The following EPS8L2 variants were observed in gnomAD, a reference collection of about 807,000 sequenced individuals.
EPS8L2 encodes the protein EPS8 signaling adaptor L2.
EPS8L2 carries 81 observed loss-of-function variants against 99.4 expected under a neutral mutation model. That is an observed-to-expected ratio of 0.82 (90% confidence interval 0.68 to 0.98). The LOEUF (loss-of-function observed/expected upper bound fraction) is 0.98, where lower values mean the gene tolerates loss of function less well. Ranked by LOEUF, EPS8L2 falls within the 50% of genes least tolerant of loss-of-function variation. The pLI is 0.00. For missense variants in EPS8L2, 1,155 were observed against 968.8 expected (o/e 1.19, Z -2.55); for synonymous variants, 509 against 407.3 (o/e 1.25, Z -3.01).
chr11:713,325 C>A (rs1455372209), intron 4 of EPS8L2, among the ~76,000 whole-genome samples: 1 of 152,236 alleles, frequency 6.6e-6, no homozygotes, highest in Non-Finnish European at 1.5e-5. Context: ...GAATCCCCGA[C>A]CTTGGTGGCT....
chr11:721,853 G>A, intron 10 of EPS8L2, 50 bp from the exon 11 acceptor site: 9 of 1,550,850 alleles, frequency 5.8e-6, no homozygotes, highest in Non-Finnish European at 6.1e-6. Flanking sequence ...AAGGCGCAGG[G>A]GCCGGGGAGA....
intron 16 of EPS8L2, among the ~76,000 whole-genome samples, chr11:725,421 G>C (rs1205454491): frequency 1.3e-5 from 2 of 152,188 alleles, no homozygotes; most frequent in South Asian, 2.1e-4. Flanking sequence ...TGAGGTGGGG[G>C]GATCGCCTGA....
chr11:719,612 C>T (rs1286685601), intron 4 of EPS8L2, among the ~76,000 whole-genome samples: 1 of 152,242 alleles, frequency 6.6e-6, no homozygotes, highest in Non-Finnish European at 1.5e-5. Context: ...GTAGCGAGCA[C>T]GCTGGACGCA....
chr11:716,048 C>T (rs1472353322), intron 4 of EPS8L2, among the ~76,000 whole-genome samples: 1 of 148,882 alleles, frequency 6.7e-6, no homozygotes, highest in African/African-American at 2.5e-5. Context: ...TCTCAGCTCA[C>T]TGCAACCTCC....
At chr11:710,056 G>T (rs1276442458) in intron 3 of EPS8L2, 3 of 358,916 alleles carry the variant, frequency 8.4e-6, no homozygotes, top group African/African-American at 2.1e-5. Flanking sequence ...GAGAAGACCT[G>T]GGAGGGCAGG....
intron 4 of EPS8L2, among the ~76,000 whole-genome samples, chr11:716,696 A>C (rs1164597717): frequency 6.6e-6 from 1 of 152,224 alleles, no homozygotes; most frequent in East Asian, 1.9e-4. Flanking sequence ...TTGTGACTTC[A>C]TCTTTGATGC....
chr11:725,682 C>A, intron 16 of EPS8L2, 46 bp from the exon 17 acceptor site: 1 of 1,293,332 alleles, frequency 7.7e-7, no homozygotes. Context: ...TGGTCCCAGC[C>A]CCGCAGAGCC....
chr11:707,290 T>G (rs1410199936), intron 1 of EPS8L2, among the ~76,000 whole-genome samples: 2 of 152,086 alleles, frequency 1.3e-5, no homozygotes, highest in Non-Finnish European at 2.9e-5. Flanking sequence ...AGCCATAGCT[T>G]CCAAACAAGG....
chr11:710,535 GACAT>G, intron 4 of EPS8L2, 49 bp downstream of exon 4: 1 of 1,513,820 alleles, frequency 6.6e-7, no homozygotes, highest in Non-Finnish European at 9.2e-7. Flanking sequence ...GCACCCTCAG[GACAT>G]GGCTGTCCTC....
rs978049038 is a variant in EPS8L2, at chr11:724,941, C to T, written c.1560+112C>T. 2.6e-5 allele frequency: 20 copies of T among 757,276 alleles called. No homozygotes were observed. Among genetic ancestry groups the T allele is most frequent in the African/African-American group, 6.9e-5 (4 of 58,328 alleles). The allele number at this position is 757,276 out of a possible 1,614,324, so 46.9% of individuals were successfully genotyped here. A position where few individuals can be genotyped will look rare whatever the true frequency, so the allele number is the denominator to read the frequency against. On this transcript the variant is annotated intron_variant, in intron 16 of 20. Coordinates refer to ENST00000318562, the MANE Select transcript of EPS8L2 (RefSeq NM_022772.4). The surrounding 1 kb of genome is among the most constrained non-coding windows in gnomAD (Gnocchi z 5.5). ...AGGGCCAGGCTGGGTGATGCCAGGA[C>T]GGGGCACAGCTGCTGGCCCCTTTCT...
intron 7 of EPS8L2, 61 bp downstream of exon 7, chr11:720,970 GGGGAGGAGCCGGCAGGGGA>G: frequency 7.7e-7 from 1 of 1,295,150 alleles, no homozygotes; most frequent in Non-Finnish European, 1.0e-6. Flanking sequence ...CGGCAGGGGA[GGGGAGGAGCCGGCAGGGGA>G]GGGGAGGAGC....
intron 4 of EPS8L2, among the ~76,000 whole-genome samples, chr11:716,799 T>C (rs1043420435): frequency 3.3e-5 from 5 of 152,186 alleles, no homozygotes; most frequent in Admixed American, 3.3e-4. Flanking sequence ...AATTCTGTTA[T>C]GATCAAAAAA....
In EPS8L2 at chr11:725,305, G is replaced by C. The variant is rs534059953; in HGVS notation, c.1561-423G>C. ...GCGGGAGGATCCCTTTAGCCCACGA[G>C]TTCGAGACAAGCCTGGGCAACACCT... is the stretch of plus-strand genomic sequence containing the variant. On this transcript the variant is annotated intron_variant, in intron 16 of 20. Transcript: ENST00000318562. Among the ~76,000 whole-genome samples the C allele has an allele frequency of 4.6e-5, 7 of 152,368 alleles. No homozygotes were observed. In the South Asian group the frequency reaches 8.3e-4, roughly 18 times the overall value.
intron 1 of EPS8L2, chr11:708,806 GC>G (rs34990344): frequency 6.4e-6 from 1 of 157,382 alleles, no homozygotes; most frequent in Non-Finnish European, 1.4e-5. Context: ...GGGTGCAGGA[GC>G]CCCTTGGGGT....
intron 15 of EPS8L2, 67 bp downstream of exon 15, chr11:723,420 A>C: frequency 2.9e-6 from 2 of 680,952 alleles, no homozygotes; most frequent in South Asian, 2.5e-5. Context: ...CTCTAAAAAC[A>C]TATGGGTACG....
At position 726,266 on chromosome 11, in the gene EPS8L2, G is replaced by A. The variant is rs758641772; in HGVS notation, c.1754-38G>A. ...CCCTGGGCCGGGGGCGGGGGCAGGG[G>A]CAAGGCAGCGGCGGGCCTGAGTCGC... On this transcript the variant is annotated intron_variant, in intron 18 of 20. Transcript: ENST00000318562. The A allele has an allele frequency of 4.4e-6, 7 of 1,585,744 alleles. No homozygotes were observed. The African/African-American group carries it at 9.4e-5, about 21-fold the overall frequency.
At chr11:710,307 C>A in intron 3 of EPS8L2, 115 bp from the exon 4 acceptor site, 2 of 992,620 alleles carry the variant, frequency 2.0e-6, no homozygotes, top group Non-Finnish European at 3.2e-6. Flanking sequence ...GCCAAGAGGT[C>A]CACGGAGCAG....
rs1862124175 is a variant in EPS8L2 at position 720,404 on chromosome 11, G to A, written c.327+181G>A. ...GGCCGCATAGAGCTGAGAGTCCAGG[G>A]AAGTTTGGAAGCCGGGGTCAGCCTT... On this transcript the variant is annotated intron_variant, in intron 5 of 20. Transcript: ENST00000318562. 4 of 1,094,812 alleles carry A rather than the reference G, an allele frequency of 3.7e-6. No individual in the cohort carries two copies. In the Admixed American group the frequency reaches 7.3e-5, roughly 20 times the overall value. 67.8% of individuals were successfully genotyped at this position (1,094,812 alleles called of 1,614,324 possible).
Position 725,859 on chromosome 11 carries a change from G to C in EPS8L2, c.1680+12G>C. The C allele has an allele frequency of 7.4e-7, 1 of 1,353,306 alleles. No individual in the cohort carries two copies. The highest frequency in any genetic ancestry group is 9.5e-7 in the Non-Finnish European group (1 of 1,057,732). 83.8% of individuals were successfully genotyped at this position (1,353,306 alleles called of 1,614,324 possible). A position where few individuals can be genotyped will look rare whatever the true frequency, so the allele number is the denominator to read the frequency against. ...CCCCGTTCGAGCAGGTGAGCCCGCG[G>C]GGGTCCCTGGGGTCGCAGCCCCCAG... On this transcript the variant is annotated intron_variant, in intron 17 of 20. Coordinates refer to ENST00000318562, the MANE Select transcript of EPS8L2 (RefSeq NM_022772.4).
Sources: gnomAD v4.1 joint callset for allele counts (sites outside exome capture counted in the v4.1 genomes callset) on GRCh38, gnomAD v4.1.1 for gene constraint, Gnocchi (gnomAD v3.1) non-coding constraint, MANE v1.5 for transcripts, NCBI Gene and HGNC (gene_info 2026-07-23, HGNC 2026-07-21) for gene names.